Variants in HYDIN observed in about 807,000 individuals in gnomAD.
HYDIN encodes the protein HYDIN axonemal central pair apparatus protein.
HYDIN carries 132 observed loss-of-function variants against 403.9 expected under a neutral mutation model. That is an observed-to-expected ratio of 0.33 (90% CI 0.28 to 0.38). The LOEUF (loss-of-function observed/expected upper bound fraction) is 0.38, where lower values mean the gene tolerates loss of function less well. HYDIN is among the 10% of genes least tolerant of loss of function. HYDIN has a pLI of 1.00. For missense variants in HYDIN, 2,827 were observed against 5,009.5 expected, an observed-to-expected ratio of 0.56 and a Z score of 13.15; for synonymous variants, 1,202 against 1,891.7, an observed-to-expected ratio of 0.64 and a Z score of 9.46.
At chr16:70,965,181 CTT>C (rs1450359970) in intron 36 of HYDIN, among the ~76,000 whole-genome samples, 1 of 152,154 alleles carries the variant, frequency 6.6e-6, no homozygotes, top group Non-Finnish European at 1.5e-5. Context: ...AATATACACT[CTT>C]TTCCTTTCTT....
intron 1 of HYDIN, among the ~76,000 whole-genome samples, chr16:71,190,346 T>TTAA (rs71153613): frequency 6.8e-6 from 1 of 147,896 alleles, no homozygotes; most frequent in Non-Finnish European, 1.5e-5. Context: ...AATTTGAGCA[T>TTAA]AAAAAAAAAA....
In HYDIN at chr16:71,175,688, G is replaced by C; in HGVS notation, c.435C>G (p.Ile145Met). ...CTTTGTGGCCAATATCTTTGGGGCT[G>C]ATTACTTTAAAGTAAGGCGAACTTT... ...VEESSPYFKVISPKDIGHKVA... is the reference protein window; with the variant it reads ...VEESSPYFKVMSPKDIGHKVA... The change falls in exon 5 of 86, where the codon ATC becomes ATG. Residue 145 changes from isoleucine (I) to methionine (M), a missense_variant. Ile to Met is a conservative substitution (Grantham distance 10). Transcript: ENST00000393567. 1 of 1,614,120 alleles carries C rather than the reference G, an allele frequency of 6.2e-7. No individual in the cohort carries two copies. The highest frequency in any genetic ancestry group is 1.3e-5 in the African/African-American group (1 of 75,068).
intron 4 of HYDIN, among the ~76,000 whole-genome samples, chr16:71,178,532 T>C (rs1018557144): frequency 2.0e-5 from 3 of 150,744 alleles, no homozygotes; most frequent in African/African-American, 7.3e-5. Flanking sequence ...GCAATTCTCA[T>C]GAGTAGGGTT....
intron 5 of HYDIN, among the ~76,000 whole-genome samples, chr16:71,174,326 AG>A (rs1283340660): frequency 6.6e-6 from 1 of 152,178 alleles, no homozygotes; most frequent in Non-Finnish European, 1.5e-5. Context: ...GCAATAGTAG[AG>A]GGAATACTGG....
At chr16:71,059,072 G>C (rs2081996556) in intron 18 of HYDIN, among the ~76,000 whole-genome samples, 1 of 152,222 alleles carries the variant, frequency 6.6e-6, no homozygotes, top group African/African-American at 2.4e-5. Context: ...CTGGTCAACA[G>C]TAGGCTGTTA....
Position 71,046,771 on chromosome 16 carries a change from CT to C in HYDIN, c.2529+13732del, listed in dbSNP as rs1808664811. Among the ~76,000 whole-genome samples the C allele has an allele frequency of 2.0e-5, 3 of 152,214 alleles. No homozygotes were observed. In the South Asian group the frequency reaches 6.2e-4, roughly 32 times the overall value. ...CTATACTATGCTACTTAATGTATTT[CT>C]TCTTGTTTTTCTTCATTACATAAAA... On this transcript the variant is annotated intron_variant, in intron 18 of 85. Transcript: ENST00000393567.
Position 70,837,824 on chromosome 16 carries a change from G to A in HYDIN, c.13108C>T (p.Pro4370Ser). Reference sequence around the variant, plus strand: ...ATTGGAATCTCCAATGTGTTTCCTGGCTTTACCACATCAACACGGGAGTTC... The same window carrying A: ...ATTGGAATCTCCAATGTGTTTCCTGACTTTACCACATCAACACGGGAGTTC... ...EVNSRVDVVK[P>S]GNTLEIPITF... Residue 4370 changes from proline (P) to serine (S), a missense_variant, in exon 77 of 86, where the codon CCA becomes TCA. Physicochemically the swap from Pro to Ser is moderately conservative, Grantham distance 74. Transcript: ENST00000393567. The A allele has an allele frequency of 1.2e-6, 2 of 1,613,916 alleles. No individual in the cohort carries two copies. Among genetic ancestry groups the A allele is most frequent in the Non-Finnish European group, 1.7e-6 (2 of 1,179,846 alleles).
chr16:71,181,196 T>TAAA (rs926272733), intron 3 of HYDIN, among the ~76,000 whole-genome samples: 1 of 142,152 alleles, frequency 7.0e-6, no homozygotes. Flanking sequence ...TGCAATACAT[T>TAAA]AAAAAAAAAA....
chr16:70,990,860 A>T (rs1296775529), intron 25 of HYDIN, among the ~76,000 whole-genome samples: 1 of 152,240 alleles, frequency 6.6e-6, no homozygotes, highest in East Asian at 1.9e-4. Context: ...ACTGTAGGAA[A>T]ATCCCACTCA....
intron 81 of HYDIN, 129 bp downstream of exon 81, chr16:70,829,489 C>T (rs909376646): frequency 1.4e-6 from 1 of 719,224 alleles, no homozygotes; most frequent in African/African-American, 1.8e-5. Context: ...CCTCCTCAGC[C>T]TCCCAAAGTG....
intron 1 of HYDIN, 34 bp downstream of exon 1, chr16:71,230,528 C>T: frequency 1.3e-6 from 2 of 1,515,482 alleles, no homozygotes; most frequent in Non-Finnish European, 1.8e-6. Context: ...GTCCCTCACA[C>T]TTTGACCCCA....
chr16:70,802,280 A>C lies in HYDIN; in HGVS notation c.*5300T>G, dbSNP rs1293098087. ...TATTATGCCCTCTTTCAGCGTGAAC[A>C]AGACTTGTAAATATGATGGGCTATG... On this transcript the variant is annotated 3_prime_UTR_variant, in exon 86 of 86. Transcript: ENST00000393567. 6.6e-6 allele frequency: 1 copy of C among 152,202 alleles called. No individual in the cohort carries two copies. Among genetic ancestry groups the C allele is most frequent in the Admixed American group, 6.5e-5 (1 of 15,272 alleles). The allele number at this position is 152,202 out of a possible 1,614,324, so 9.4% of individuals were successfully genotyped here. A position where few individuals can be genotyped will look rare whatever the true frequency, so the allele number is the denominator to read the frequency against.
At chr16:71,024,820 T>A (rs2080634123) in intron 21 of HYDIN, among the ~76,000 whole-genome samples, 1 of 150,742 alleles carries the variant, frequency 6.6e-6, no homozygotes, top group South Asian at 2.1e-4. Context: ...AGTTAAAGAG[T>A]GTGAATCTAA....
chr16:71,092,755 A>AT (rs2083150481), intron 11 of HYDIN, among the ~76,000 whole-genome samples: 1 of 133,646 alleles, frequency 7.5e-6, no homozygotes, highest in South Asian at 2.5e-4. Flanking sequence ...TAATTTTTGT[A>AT]TTTTTAGTAG....
chr16:70,940,857 G>A (rs977179987), intron 43 of HYDIN, among the ~76,000 whole-genome samples: 1 of 152,382 alleles, frequency 6.6e-6, no homozygotes, highest in East Asian at 1.9e-4. Context: ...AGGAAGGGCA[G>A]TCGTGTGGCT....
At chr16:71,179,123 G>C (rs909717673) in intron 3 of HYDIN, 76 bp from the exon 4 acceptor site, 2 of 1,116,308 alleles carry the variant, frequency 1.8e-6, no homozygotes, top group Non-Finnish European at 2.6e-6. Flanking sequence ...AAAATACTAC[G>C]TAGACCTGTG....
Position 71,184,922 on chromosome 16 carries a change from C to G in HYDIN, c.204G>C (p.Leu68Phe), listed in dbSNP as rs1360672083. The G allele has an allele frequency of 1.2e-6, 2 of 1,611,210 alleles. No homozygotes were observed. The highest frequency in any genetic ancestry group is 1.7e-6 in the Non-Finnish European group (2 of 1,178,094). ...GTTCGATGATCTGTGGTCGGCACAT[C>G]AAACGTGTTTTTGCCAGTCTCTGCT... is the stretch of plus-strand genomic sequence containing the variant. ...TTEQRLAKTR[L>F]MCRPQIIELL... Residue 68 changes from leucine (L) to phenylalanine (F), a missense_variant, in exon 3 of 86, where the codon TTG becomes TTC. Transcript: ENST00000393567.
intron 47 of HYDIN, among the ~76,000 whole-genome samples, chr16:70,912,102 C>T (rs909859722): frequency 4.7e-5 from 7 of 150,328 alleles, no homozygotes; most frequent in African/African-American, 7.4e-5. Flanking sequence ...CCCTTTATTG[C>T]TCTCTCTTGT....
chr16:70,870,057 CT>C (rs2040004714), intron 65 of HYDIN, among the ~76,000 whole-genome samples: 1 of 152,202 alleles, frequency 6.6e-6, no homozygotes, highest in African/African-American at 2.4e-5. Context: ...GGCATTTGGC[CT>C]TGCCCTAGAG....
Sources: allele counts gnomAD v4.1 joint callset (sites outside exome capture counted in the v4.1 genomes callset), GRCh38; gene constraint gnomAD v4.1.1; transcripts MANE v1.5; gene names NCBI Gene and HGNC (gene_info 2026-07-23, HGNC 2026-07-21).